KMT2C: variants seen among roughly 807,000 people sequenced by gnomAD.
The protein encoded by KMT2C is lysine methyltransferase 2C.
In KMT2C, 88 loss-of-function variants were observed where a neutral mutation model predicts 507.9. The observed-to-expected ratio is 0.17, with a 90% CI of 0.15 to 0.21. KMT2C has a LOEUF of 0.21. KMT2C is among the 10% of genes least tolerant of loss of function. KMT2C has a pLI of 1.00. For missense variants in KMT2C, 4,954 were observed against 5,957.8 expected (o/e 0.83, Z 5.55); for synonymous variants, 2,049 against 2,080.8 (o/e 0.98, Z 0.42).
intron 1 of KMT2C, among the ~76,000 whole-genome samples, chr7:152,385,919 C>T (rs2097422010): frequency 2.0e-5 from 3 of 151,572 alleles, no homozygotes; most frequent in Non-Finnish European, 2.9e-5. Context: ...GAAACCCCGA[C>T]TCTACTAAAA....
At chr7:152,356,445 G>A (rs555577271) in intron 2 of KMT2C, among the ~76,000 whole-genome samples, 168 of 150,914 alleles carry the variant, frequency 1.1e-3, no homozygotes, top group African/African-American at 3.9e-3. Flanking sequence ...GCGTGGTGGC[G>A]GGTGGCTGTA....
intron 43 of KMT2C, among the ~76,000 whole-genome samples, chr7:152,161,047 G>C (rs965561009): frequency 6.6e-6 from 1 of 152,172 alleles, no homozygotes; most frequent in East Asian, 1.9e-4. Context: ...ATACATAGAA[G>C]GGTAAAAAGA....
At position 152,174,155 on chromosome 7, in the gene KMT2C, C is replaced by T. The variant is rs577646181; in HGVS notation, c.9350G>A (p.Gly3117Asp). The change falls in exon 39 of 59, where the codon GGC becomes GAC. Residue 3117 changes from glycine to aspartate, a missense_variant. Gly to Asp is a moderately conservative substitution (Grantham distance 94). Coordinates refer to ENST00000262189, the MANE Select transcript of KMT2C (RefSeq NM_170606.3). ...INKVMAQNNL[G>D]MPPMVMSRFP... ...CCTGCTCATCACCATTGGTGGCATG[C>T]CCAGATTGTTTTGTGCCATCACTTT... 1 of 1,607,964 alleles carries T rather than the reference C, an allele frequency of 6.2e-7. No individual in the cohort carries two copies. Among genetic ancestry groups the T allele is most frequent in the African/African-American group, 1.3e-5 (1 of 74,738 alleles).
At chr7:152,137,219 G>A (rs1478533682) in intron 58 of KMT2C, 1 of 281,700 alleles carries the variant, frequency 3.5e-6, no homozygotes, top group Non-Finnish European at 6.8e-6. Context: ...AGTGGATGGA[G>A]GGGACTGGAA....
Position 152,148,285 on chromosome 7 carries a change from A to G in KMT2C, c.13642T>C (p.Phe4548Leu), listed in dbSNP as rs750556653. ...TGGAAGATGAGGCTACCCACGCGAA[A>G]GGTATGGTCCCGTTCTCCTCGTTGC... is the stretch of plus-strand genomic sequence containing the variant. ...IVQRGERDHT[F>L]RVGSLIFHTI... Residue 4548 changes from phenylalanine to leucine, a missense_variant, in exon 52 of 59, where the codon TTT becomes CTT. Physicochemically the swap from Phe to Leu is conservative, Grantham distance 22. Around this residue, in one of 29 missense-constraint regions of KMT2C, gnomAD observed 221 missense variants for 304.7 expected, o/e 0.73. Transcript: ENST00000262189. This position sits in a 1 kb window ranked among gnomAD's most constrained non-coding sequence, Gnocchi z 7.1. 3 of 1,614,260 alleles carry G rather than the reference A, an allele frequency of 1.9e-6. No homozygotes were observed. The highest frequency in any genetic ancestry group is 2.5e-6 in the Non-Finnish European group (3 of 1,180,048).
intron 6 of KMT2C, among the ~76,000 whole-genome samples, chr7:152,276,977 T>A (rs2096093475): frequency 1.3e-5 from 2 of 152,180 alleles, no homozygotes; most frequent in South Asian, 4.1e-4. Flanking sequence ...AGAACTCGTA[T>A]TACCAATTTT....
intron 1 of KMT2C, among the ~76,000 whole-genome samples, chr7:152,361,712 GATAAAT>G (rs1371679833): frequency 2.0e-5 from 3 of 151,980 alleles, no homozygotes; most frequent in Non-Finnish European, 2.9e-5. Context: ...AACATAAAAA[GATAAAT>G]ATAAATATGA....
chr7:152,271,507 A>G (rs1430963887), intron 7 of KMT2C, among the ~76,000 whole-genome samples: 1 of 151,848 alleles, frequency 6.6e-6, no homozygotes, highest in East Asian at 1.9e-4. Flanking sequence ...CCCTGTCTCT[A>G]CTAAAAATAC....
chr7:152,138,319 CTTGG>C lies in KMT2C; in HGVS notation c.14643+473_14643+476del, dbSNP rs2090121263. On this transcript the variant is annotated intron_variant, in intron 58 of 58. Coordinates refer to ENST00000262189, the MANE Select transcript of KMT2C (RefSeq NM_170606.3). The surrounding 1 kb of genome is among the most constrained non-coding windows in gnomAD (Gnocchi z 4.2). Reference sequence around the variant, plus strand: ...GCTGAAGAATGTGGCGATGTGGGCACTTGGTTAAGCACACACTGATCGCCAGCGT... The same window carrying C: ...GCTGAAGAATGTGGCGATGTGGGCACTTAAGCACACACTGATCGCCAGCGT... 6.5e-6 allele frequency: 1 copy of C among 154,958 alleles called. No individual in the cohort carries two copies. The highest frequency in any genetic ancestry group is 6.3e-5 in the Admixed American group (1 of 15,894). The allele number at this position is 154,958 out of a possible 1,614,324, so 9.6% of individuals were successfully genotyped here. A position where few individuals can be genotyped will look rare whatever the true frequency, so the allele number is the denominator to read the frequency against.
intron 9 of KMT2C, among the ~76,000 whole-genome samples, chr7:152,256,454 C>T (rs2095663707): frequency 6.6e-6 from 1 of 151,988 alleles, no homozygotes; most frequent in Admixed American, 6.6e-5. Flanking sequence ...CTAGCTAACT[C>T]GGGAGGCTGA....
chr7:152,190,482 T>C (rs1025032055), intron 31 of KMT2C, among the ~76,000 whole-genome samples: 1 of 152,226 alleles, frequency 6.6e-6, no homozygotes, highest in African/African-American at 2.4e-5. Flanking sequence ...AAATAGGTTA[T>C]TATGTTCAGC....
In KMT2C at chr7:152,203,110, T is replaced by C. The variant is rs372163690; in HGVS notation, c.3962-46A>G. 297 of 1,515,198 alleles carry C rather than the reference T, an allele frequency of 2.0e-4. 3 individuals are homozygous for C. Among genetic ancestry groups the C allele is most frequent in the Admixed American group, 4.1e-5 (2 of 48,258 alleles). 93.9% of individuals were successfully genotyped at this position (1,515,198 alleles called of 1,614,324 possible). A position where few individuals can be genotyped will look rare whatever the true frequency, so the allele number is the denominator to read the frequency against. ...ATAAATATGTGACATTTAAAATTTC[T>C]AGACAAACCCACTGAAGGTAATTTT... On this transcript the variant is annotated intron_variant, in intron 25 of 58. Coordinates refer to ENST00000262189, the MANE Select transcript of KMT2C (RefSeq NM_170606.3).
At chr7:152,309,595 G>T (rs957863853) in intron 6 of KMT2C, among the ~76,000 whole-genome samples, 3 of 146,406 alleles carry the variant, frequency 2.0e-5, no homozygotes, top group Non-Finnish European at 3.0e-5. Flanking sequence ...TCTTGGCTAC[G>T]GGCAACCTCC....
intron 6 of KMT2C, among the ~76,000 whole-genome samples, chr7:152,288,824 C>T (rs2096354556): frequency 6.6e-6 from 1 of 152,214 alleles, no homozygotes; most frequent in African/African-American, 2.4e-5. Flanking sequence ...TGAAAAACAA[C>T]TCAAATGACA....
chr7:152,171,419 T>C, intron 39 of KMT2C, 77 bp from the exon 40 acceptor site: 2 of 899,046 alleles, frequency 2.2e-6, no homozygotes, highest in Non-Finnish European at 3.3e-6. Context: ...CTGTATTAGG[T>C]GCTTAACAGT....
At chr7:152,433,338 TAA>T (rs1378081296) in intron 1 of KMT2C, among the ~76,000 whole-genome samples, 1 of 152,244 alleles carries the variant, frequency 6.6e-6, no homozygotes, top group Non-Finnish European at 1.5e-5. Flanking sequence ...TGGTTACACA[TAA>T]GTTTCACTTT....
intron 56 of KMT2C, 110 bp from the exon 57 acceptor site, chr7:152,139,369 T>C (rs1338771182): frequency 1.1e-6 from 1 of 924,354 alleles, no homozygotes; most frequent in Non-Finnish European, 1.7e-6. Context: ...GGCAGCCTGA[T>C]CATCCTTACT....
chr7:152,272,853 C>A (rs2096003444), intron 7 of KMT2C, among the ~76,000 whole-genome samples: 1 of 151,892 alleles, frequency 6.6e-6, no homozygotes, highest in Non-Finnish European at 1.5e-5. Context: ...TTTCACAGAC[C>A]TGGAGAAGAT....
intron 18 of KMT2C, among the ~76,000 whole-genome samples, chr7:152,226,617 T>TA (rs1162761003): frequency 6.6e-6 from 1 of 152,206 alleles, no homozygotes; most frequent in Non-Finnish European, 1.5e-5. Flanking sequence ...GAATTTGTCT[T>TA]AGATTACCAA....
Sources: gnomAD v4.1 joint callset for allele counts (sites outside exome capture counted in the v4.1 genomes callset) on GRCh38, gnomAD v4.1.1 for gene constraint, gnomAD v4.1.1 regional missense constraint, Gnocchi (gnomAD v3.1) non-coding constraint, MANE v1.5 for transcripts, NCBI Gene and HGNC (gene_info 2026-07-23, HGNC 2026-07-21) for gene names.